The following BAZ2B variants were observed in gnomAD, a reference collection of about 807,000 sequenced individuals.
The protein encoded by BAZ2B is bromodomain adjacent to zinc finger domain 2B, also known as bromodomain adjacent to zinc finger domain protein 2B.
BAZ2B carries 91 observed loss-of-function variants against 246.0 expected under a neutral mutation model. The ratio of observed to expected loss-of-function variants is 0.37; its 90% CI spans 0.31 to 0.44. The LOEUF (loss-of-function observed/expected upper bound fraction) is 0.44. Ranked by LOEUF, BAZ2B falls within the 20% of genes least tolerant of loss-of-function variation. The pLI, the probability that BAZ2B is intolerant of heterozygous loss-of-function variation, is 1.00. For missense variants in BAZ2B, 2,332 were observed against 2,533.7 expected (o/e 0.92, Z 1.71); for synonymous variants, 855 against 860.0 (o/e 0.99, Z 0.10).
Position 159,508,072 on chromosome 2 carries a change from T to C in BAZ2B, c.-2-29351A>G, listed in dbSNP as rs546837645. Among the ~76,000 whole-genome samples the C allele has an allele frequency of 3.3e-5, 5 of 152,272 alleles. No homozygotes were observed. The Middle Eastern group carries it at 0.017, about 518-fold the overall frequency. On this transcript the variant is annotated intron_variant, in intron 2 of 36. Transcript: ENST00000392783. ...TTTTAGCAGAGATGGGGTTTCGTCA[T>C]GTTGGCCAGGCTGGTCTCGAACTCC...
intron 14 of BAZ2B, among the ~76,000 whole-genome samples, chr2:159,405,695 C>T (rs966238391): frequency 8.7e-5 from 13 of 148,658 alleles, no homozygotes; most frequent in African/African-American, 3.2e-4. Context: ...TTCTTTTAAT[C>T]TTTATCAGAG....
At chr2:159,473,033 T>C (rs914711812) in intron 3 of BAZ2B, among the ~76,000 whole-genome samples, 4 of 152,198 alleles carry the variant, frequency 2.6e-5, no homozygotes, top group African/African-American at 9.7e-5. Flanking sequence ...TCTTTTTCTA[T>C]TGTTTGGAAT....
intron 3 of BAZ2B, chr2:159,462,958 G>A (rs962392775): frequency 9.4e-7 from 1 of 1,064,476 alleles, no homozygotes; most frequent in South Asian, 1.3e-5. Context: ...TTCTATAAGT[G>A]ATCAAATGTA....
chr2:159,462,869 T>A, intron 3 of BAZ2B: 1 of 1,603,620 alleles, frequency 6.2e-7, no homozygotes, highest in South Asian at 1.1e-5. Flanking sequence ...TCACATAGGC[T>A]CTTAAAGCAC....
chr2:159,377,180 C>T (rs2061494677), intron 25 of BAZ2B, among the ~76,000 whole-genome samples: 1 of 152,112 alleles, frequency 6.6e-6, no homozygotes. Context: ...ACCTCCCTGC[C>T]TTAAAGGAAA....
chr2:159,663,855 C>CTTTTTTTTTTTT, the BAZ2B span, among the ~76,000 whole-genome samples: 3 of 92,498 alleles, frequency 3.2e-5, no homozygotes, highest in East Asian at 3.7e-4. Flanking sequence ...AAACCATTTT[C>CTTTTTTTTTTTT]TTTTTTTTTT....
chr2:159,549,828 T>TTTC (rs1179313248), intron 2 of BAZ2B, among the ~76,000 whole-genome samples: 55 of 82,550 alleles, frequency 6.7e-4, no homozygotes, highest in Non-Finnish European at 8.1e-4. Flanking sequence ...TTCTTTCTTT[T>TTTC]TTTTTTTTTT....
At chr2:159,469,297 A>C (rs1178636431) in intron 3 of BAZ2B, among the ~76,000 whole-genome samples, 1 of 152,130 alleles carries the variant, frequency 6.6e-6, no homozygotes, top group African/African-American at 2.4e-5. Context: ...GAATGAGGCA[A>C]TATCTGGAAC....
intron 3 of BAZ2B, chr2:159,462,436 CT>C (rs1243615139): frequency 6.5e-6 from 8 of 1,226,380 alleles, no homozygotes; most frequent in Non-Finnish European, 9.7e-6. Context: ...GCTGAGTAAT[CT>C]TGTTCCAGTC....
chr2:159,598,151 G>A (rs966319261), intron 1 of BAZ2B, among the ~76,000 whole-genome samples: 1 of 151,896 alleles, frequency 6.6e-6, no homozygotes, highest in Non-Finnish European at 1.5e-5. Context: ...CTGCCACCAC[G>A]CCCAGCTCAT....
intron 26 of BAZ2B, among the ~76,000 whole-genome samples, chr2:159,374,344 T>C (rs539053633): frequency 6.3e-4 from 96 of 152,340 alleles, no homozygotes; most frequent in Non-Finnish European, 1.1e-3. Context: ...AATTTTTTAG[T>C]AATTAATTCC....
In BAZ2B at chr2:159,398,691, T is replaced by C. The variant is rs868730476; in HGVS notation, c.2964+138A>G. The C allele has an allele frequency of 2.8e-5, 20 of 705,132 alleles. No homozygotes were observed. The African/African-American group carries it at 3.4e-4, about 12-fold the overall frequency. 43.7% of individuals were successfully genotyped at this position (705,132 alleles called of 1,614,324 possible). A position where few individuals can be genotyped will look rare whatever the true frequency, so the allele number is the denominator to read the frequency against. On this transcript the variant is annotated intron_variant, in intron 18 of 36. Transcript: ENST00000392783. ...TATACATACAAATAAAAACATACAC[T>C]ATACACATGTAGTATCTGCTAAACA...
rs995244998 is a variant in BAZ2B at position 159,348,713 on chromosome 2, T to C, written c.5258A>G (p.Asp1753Gly). 1.2e-6 allele frequency: 2 copies of C among 1,611,456 alleles called. No homozygotes were observed. The highest frequency in any genetic ancestry group is 1.7e-6 in the Non-Finnish European group (2 of 1,179,420). The change falls in exon 30 of 37, where the codon GAT becomes GGT. Residue 1753 changes from aspartate (D) to glycine (G), a missense_variant. Around this residue, in one of 9 missense-constraint regions of BAZ2B, gnomAD observed 676 missense variants for 668.6 expected, o/e 1.01. Transcript: ENST00000392783. ...ALQKQIQKHL[D>G]YITQACLKNK... is the part of the protein sequence containing the mutation. ...CTTGAGGCAGGCTTGAGTAATATAATCCAAATGTTTCTGAATTTGTTTTTG... is the reference window on the plus strand; with the variant it reads ...CTTGAGGCAGGCTTGAGTAATATAACCCAAATGTTTCTGAATTTGTTTTTG...
chr2:159,378,599 T>G (rs1273890041), intron 25 of BAZ2B, among the ~76,000 whole-genome samples: 2 of 152,138 alleles, frequency 1.3e-5, no homozygotes, highest in African/African-American at 4.8e-5. Flanking sequence ...TACAACTCAA[T>G]AGCAAAAACC....
At chr2:159,455,846 A>C (rs1393656674) in intron 3 of BAZ2B, among the ~76,000 whole-genome samples, 2 of 149,228 alleles carry the variant, frequency 1.3e-5, no homozygotes, top group Non-Finnish European at 3.0e-5. Context: ...AACTATAAAA[A>C]CCAGTTTTTA....
intron 31 of BAZ2B, among the ~76,000 whole-genome samples, chr2:159,340,104 A>C (rs77090394): frequency 0.049 from 7,397 of 152,228 alleles, 215 homozygotes; most frequent in East Asian, 0.086. Context: ...AGAGCTAAAT[A>C]ATTCAATGAA....
intron 3 of BAZ2B, among the ~76,000 whole-genome samples, chr2:159,468,055 A>T (rs936113966): frequency 6.6e-6 from 1 of 152,252 alleles, no homozygotes; most frequent in Admixed American, 6.5e-5. Flanking sequence ...AACTATCCAA[A>T]CGCCTAGCTG....
At chr2:159,356,276 G>A (rs1284665644) in intron 27 of BAZ2B, among the ~76,000 whole-genome samples, 3 of 152,214 alleles carry the variant, frequency 2.0e-5, no homozygotes, top group Admixed American at 1.3e-4. Context: ...GTCTGAAGTC[G>A]ACGTGGGATG....
chr2:159,374,947 A>AGCTCATG (rs1463367585), intron 25 of BAZ2B, among the ~76,000 whole-genome samples, 194 bp from the exon 26 acceptor site: 1 of 152,194 alleles, frequency 6.6e-6, no homozygotes, highest in Admixed American at 6.6e-5. Context: ...TAGGTATGGT[A>AGCTCATG]GCTCATGTCT....
Sources: allele counts gnomAD v4.1 joint callset (sites outside exome capture counted in the v4.1 genomes callset), GRCh38; gene constraint gnomAD v4.1.1; regional missense constraint gnomAD v4.1.1; transcripts MANE v1.5; gene names NCBI Gene and HGNC (gene_info 2026-07-23, HGNC 2026-07-21).